MYL9: variants seen among roughly 807,000 people sequenced by gnomAD.
MYL9 encodes myosin light chain 9.
MYL9 carries 7 observed loss-of-function variants against 12.8 expected under a neutral mutation model. The ratio of observed to expected loss-of-function variants is 0.55; its 90% confidence interval spans 0.31 to 1.03. The LOEUF is 1.03. Ranked by LOEUF, MYL9 falls within the 50% of genes least tolerant of loss-of-function variation. The probability of loss-of-function intolerance (pLI) is 0.05; values close to 1 mark genes in which losing one functional copy is unlikely to be tolerated. For synonymous variants in MYL9, 81 were observed against 87.8 expected (o/e 0.92, Z 0.43); for missense variants, 190 against 242.7 (o/e 0.78, Z 1.44).
intron 3 of MYL9, 59 bp from the exon 4 acceptor site, chr20:36,549,018 G>A: frequency 1.3e-6 from 2 of 1,536,720 alleles, no homozygotes; most frequent in South Asian, 1.2e-5. Context: ...GAGGGATGGG[G>A]CTGCTGTGTA....
intron 3 of MYL9, among the ~76,000 whole-genome samples, chr20:36,548,870 AC>A (rs1353636539): frequency 6.6e-6 from 1 of 151,686 alleles, no homozygotes; most frequent in Non-Finnish European, 1.5e-5. Flanking sequence ...GGACCCTGGC[AC>A]CCCTTCACGT....
rs529378485 is a variant in MYL9, at chr20:36,547,970, A to C, written c.185-62A>C. 1.4e-5 allele frequency: 21 copies of C among 1,514,852 alleles called. No homozygotes were observed. The African/African-American group carries it at 2.8e-4, about 20-fold the overall frequency. The allele number at this position is 1,514,852 out of a possible 1,614,324, so 93.8% of individuals were successfully genotyped here. Reference sequence around the variant, plus strand: ...GGCAGGGGTGGGGGACGGGGGTGCAAGTTGTCCCAGCTGGGGACAGAGGGC... The same window carrying C: ...GGCAGGGGTGGGGGACGGGGGTGCACGTTGTCCCAGCTGGGGACAGAGGGC... On this transcript the variant is annotated intron_variant, in intron 2 of 3. Transcript: ENST00000279022.
Position 36,544,915 on chromosome 20 carries a change from A to T in MYL9, c.31A>T (p.Thr11Ser). 6.2e-7 allele frequency: 1 copy of T among 1,611,892 alleles called. No individual in the cohort carries two copies. Among genetic ancestry groups the T allele is most frequent in the Non-Finnish European group, 8.5e-7 (1 of 1,178,960 alleles). The stretch of plus-strand genomic sequence containing the variant: ...CAGCAAGCGGGCCAAAGCCAAGACC[A>T]CCAAGAAGCGGCCACAGCGGGCCAC... MSSKRAKAKT[T>S]KKRPQRATSN... The change falls in exon 2 of 4, where the codon ACC becomes TCC. Residue 11 changes from threonine (T) to serine (S), a missense_variant. By Grantham distance (58) the Thr-to-Ser change is moderately conservative. Coordinates refer to ENST00000279022, the MANE Select transcript of MYL9 (RefSeq NM_006097.5).
Position 36,548,147 on chromosome 20 carries a change from G to A in MYL9, c.300G>A (p.Glu100=). The A allele has an allele frequency of 6.2e-7, 1 of 1,613,950 alleles. No homozygotes were observed. Among genetic ancestry groups the A allele is most frequent in the South Asian group, 1.1e-5 (1 of 91,070 alleles). ...AGAAGCTGAACGGCACGGACCCCGA[G>A]GATGTGATTCGCAACGCCTTTGCCT... is the stretch of plus-strand genomic sequence containing the variant. ...FGEKLNGTDP[E]DVIRNAFACF... is the part of the protein sequence containing the mutation. The change falls in exon 3 of 4, where the codon GAG becomes GAA. Residue 100 remains glutamate (E), a synonymous_variant. Coordinates refer to ENST00000279022, the MANE Select transcript of MYL9 (RefSeq NM_006097.5).
chr20:36,549,530 G>T lies in MYL9; in HGVS notation c.*281G>T. On this transcript the variant is annotated 3_prime_UTR_variant, in exon 4 of 4. Transcript: ENST00000279022. ...GGAGGGCAGGACCTAGAGGCACCAA[G>T]GGAAGGCCCCATTCCGGGGCTGTTC... 2.9e-6 allele frequency: 1 copy of T among 343,704 alleles called. No individual in the cohort carries two copies. The highest frequency in any genetic ancestry group is 5.4e-6 in the Non-Finnish European group (1 of 185,044). The allele number at this position is 343,704 out of a possible 1,614,324, so 21.3% of individuals were successfully genotyped here. A position where few individuals can be genotyped will look rare whatever the true frequency, so the allele number is the denominator to read the frequency against.
chr20:36,548,950 AG>A, intron 3 of MYL9, 126 bp from the exon 4 acceptor site: 1 of 978,612 alleles, frequency 1.0e-6, no homozygotes, highest in Non-Finnish European at 1.5e-6. Context: ...CAGACTGACC[AG>A]AGACTAAGAT....
chr20:36,548,990 A>C, intron 3 of MYL9, 87 bp from the exon 4 acceptor site: 1 of 1,366,100 alleles, frequency 7.3e-7, no homozygotes, highest in African/African-American at 1.5e-5. Context: ...CTAGGTCTGC[A>C]AGAGCTGCCA....
At chr20:36,545,202 C>A in intron 2 of MYL9, 134 bp downstream of exon 2, 1 of 1,090,356 alleles carries the variant, frequency 9.2e-7, no homozygotes. Flanking sequence ...TTAGTCCATT[C>A]AACAGGGAAA....
In MYL9 at chr20:36,549,395, C is replaced by A; in HGVS notation, c.*146C>A. On this transcript the variant is annotated 3_prime_UTR_variant, in exon 4 of 4. Transcript: ENST00000279022. ...CCAGTTCCCAGTGGAAGAAACAGGC[C>A]AGGAGAAGTGCGTGCCGAGCTGAGG... 1.4e-6 allele frequency: 1 copy of A among 721,904 alleles called. No homozygotes were observed. Among genetic ancestry groups the A allele is most frequent in the Non-Finnish European group, 2.3e-6 (1 of 440,644 alleles). 44.7% of individuals were successfully genotyped at this position (721,904 alleles called of 1,614,324 possible). A position where few individuals can be genotyped will look rare whatever the true frequency, so the allele number is the denominator to read the frequency against.
intron 1 of MYL9, among the ~76,000 whole-genome samples, chr20:36,543,861 G>C (rs2038064324): frequency 6.6e-6 from 1 of 152,178 alleles, no homozygotes; most frequent in Admixed American, 6.5e-5. Context: ...GGACCACAGA[G>C]GAAAGCCTGG....
intron 3 of MYL9, 116 bp from the exon 4 acceptor site, chr20:36,548,961 T>C (rs2038136682): frequency 7.5e-6 from 8 of 1,064,246 alleles, no homozygotes; most frequent in East Asian, 2.6e-5. Flanking sequence ...GAGACTAAGA[T>C]TGTATCTTCC....
intron 2 of MYL9, among the ~76,000 whole-genome samples, 196 bp downstream of exon 2, chr20:36,545,264 A>G (rs530274307): frequency 1.7e-4 from 26 of 152,192 alleles, no homozygotes; most frequent in Middle Eastern, 6.9e-3. Flanking sequence ...TTGGGAGGCC[A>G]AGGCGGGCGG....
Position 36,548,069 on chromosome 20 carries a change from G to A in MYL9, c.222G>A (p.Met74Ile), listed in dbSNP as rs761429915. The change falls in exon 3 of 4, where the codon ATG becomes ATA. Residue 74 changes from methionine to isoleucine, a missense_variant. By Grantham distance (10) the Met-to-Ile change is conservative (BLOSUM62 1). Coordinates refer to ENST00000279022, the MANE Select transcript of MYL9 (RefSeq NM_006097.5). ...CAGACGAATACCTGGAGGGCATGAT[G>A]AGCGAGGCCCCGGGGCCCATCAACT... ...NPTDEYLEGMMSEAPGPINFT... is the reference protein window; with the variant it reads ...NPTDEYLEGMISEAPGPINFT... 7 of 1,613,376 alleles carry A rather than the reference G, an allele frequency of 4.3e-6. No individual in the cohort carries two copies. The highest frequency in any genetic ancestry group is 2.2e-5 in the South Asian group (2 of 91,040).
At chr20:36,542,146 G>A (rs1220124428) in intron 1 of MYL9, among the ~76,000 whole-genome samples, 2 of 152,230 alleles carry the variant, frequency 1.3e-5, no homozygotes, top group Non-Finnish European at 2.9e-5. Flanking sequence ...GGGTCATCTC[G>A]CCTGTGGGTG....
rs1476779146 is a variant in MYL9, at chr20:36,549,001, G to A, written c.347-76G>A. 10 of 1,441,058 alleles carry A rather than the reference G, an allele frequency of 6.9e-6. No homozygotes were observed. In the East Asian group the frequency reaches 2.3e-4, roughly 33 times the overall value. The allele number at this position is 1,441,058 out of a possible 1,614,324, so 89.3% of individuals were successfully genotyped here. ...CCCTCTAGGTCTGCAAGAGCTGCCA[G>A]GGGGCTGAGGGATGGGGCTGCTGTG... On this transcript the variant is annotated intron_variant, in intron 3 of 3. Transcript: ENST00000279022.
Position 36,550,976 on chromosome 20 carries a change from T to G in MYL9, c.*1727T>G, listed in dbSNP as rs1258595481. The G allele has an allele frequency of 2.6e-5, 4 of 152,208 alleles. No individual in the cohort carries two copies. The highest frequency in any genetic ancestry group is 5.9e-5 in the Non-Finnish European group (4 of 68,276). The allele number at this position is 152,208 out of a possible 1,614,324, so 9.4% of individuals were successfully genotyped here. The stretch of plus-strand genomic sequence containing the variant: ...AGGGGGGTCTCAGAGTGTCCCAGGG[T>G]ACTGGCCACACATGCCCGACACCAG... On this transcript the variant is annotated 3_prime_UTR_variant, in exon 4 of 4. Transcript: ENST00000279022.
chr20:36,548,444 C>G (rs2038129291), intron 3 of MYL9, among the ~76,000 whole-genome samples: 1 of 152,224 alleles, frequency 6.6e-6, no homozygotes, highest in Non-Finnish European at 1.5e-5. Context: ...TAGACCTTTC[C>G]AGAAATCAAA....
At chr20:36,545,325 G>A (rs1569529569) in intron 2 of MYL9, among the ~76,000 whole-genome samples, 1 of 151,710 alleles carries the variant, frequency 6.6e-6, no homozygotes, top group Non-Finnish European at 1.5e-5. Flanking sequence ...GTGAAACCCT[G>A]ACTCTACTAA....
intron 1 of MYL9, among the ~76,000 whole-genome samples, chr20:36,542,175 C>A (rs1268463181): frequency 6.6e-6 from 1 of 152,072 alleles, no homozygotes; most frequent in Non-Finnish European, 1.5e-5. Context: ...CTGCGGAGGG[C>A]CCTGATGGAC....
Sources: allele counts gnomAD v4.1 joint callset (sites outside exome capture counted in the v4.1 genomes callset), GRCh38; gene constraint gnomAD v4.1.1; transcripts MANE v1.5; gene names NCBI Gene and HGNC (gene_info 2026-07-23, HGNC 2026-07-21).